The following EPHB1 variants were observed in gnomAD, a reference collection of about 807,000 sequenced individuals.
EPHB1 encodes EPH receptor B1.
Under a neutral mutation model 94.4 loss-of-function variants are expected in EPHB1, and 30 were observed. The ratio of observed to expected loss-of-function variants is 0.32; its 90% CI spans 0.24 to 0.43. The LOEUF is 0.43. Ranked by LOEUF, EPHB1 falls within the 20% of genes least tolerant of loss-of-function variation. The probability of loss-of-function intolerance (pLI) is 1.00; values close to 1 mark genes in which losing one functional copy is unlikely to be tolerated. For synonymous variants in EPHB1, 522 were observed against 489.1 expected, an observed-to-expected ratio of 1.07 and a Z score of -0.89; for missense variants, 1,055 against 1,308.3, an observed-to-expected ratio of 0.81 and a Z score of 2.99.
chr3:135,091,983 AT>A (rs576398339), intron 3 of EPHB1, among the ~76,000 whole-genome samples: 21 of 152,122 alleles, frequency 1.4e-4, no homozygotes, highest in Admixed American at 9.8e-4. Flanking sequence ...TTGGTTATAA[AT>A]TTTTTTTAAA....
intron 3 of EPHB1, among the ~76,000 whole-genome samples, chr3:135,063,794 T>A (rs1937546406): frequency 6.6e-6 from 1 of 152,174 alleles, no homozygotes; most frequent in Non-Finnish European, 1.5e-5. Flanking sequence ...GCTTTCAATT[T>A]TTCCCCATTC....
At chr3:134,958,573 G>C (rs1459747823) in intron 3 of EPHB1, among the ~76,000 whole-genome samples, 2 of 152,136 alleles carry the variant, frequency 1.3e-5, no homozygotes, top group Non-Finnish European at 2.9e-5. Context: ...TCAAGCTCCA[G>C]GGAGACCGGC....
At chr3:135,167,906 G>A (rs535252176) in intron 9 of EPHB1, among the ~76,000 whole-genome samples, 2 of 152,264 alleles carry the variant, frequency 1.3e-5, no homozygotes, top group East Asian at 3.9e-4. Context: ...AATTAGCATG[G>A]AAAACAGACC....
chr3:135,000,505 C>A (rs1401737805), intron 3 of EPHB1, among the ~76,000 whole-genome samples: 1 of 152,208 alleles, frequency 6.6e-6, no homozygotes, highest in Non-Finnish European at 1.5e-5. Flanking sequence ...ACAGGACCTG[C>A]AAATTGGCTT....
intron 2 of EPHB1, among the ~76,000 whole-genome samples, chr3:134,949,883 C>T (rs1175965794): frequency 6.6e-6 from 1 of 152,152 alleles, no homozygotes; most frequent in Non-Finnish European, 1.5e-5. Flanking sequence ...AATGACCCAG[C>T]AACTCTTCTT....
intron 4 of EPHB1, among the ~76,000 whole-genome samples, chr3:135,107,200 C>T (rs1342737608): frequency 6.6e-6 from 1 of 152,188 alleles, no homozygotes; most frequent in Admixed American, 6.5e-5. Flanking sequence ...AATGCATCTC[C>T]AAGGCAGAAA....
chr3:134,880,203 C>T (rs927065589), intron 1 of EPHB1, among the ~76,000 whole-genome samples: 3 of 152,230 alleles, frequency 2.0e-5, no homozygotes. Context: ...TGGTGCTATT[C>T]TCCAGCTGTT....
intron 1 of EPHB1, among the ~76,000 whole-genome samples, chr3:134,879,310 C>A (rs1015931312): frequency 3.3e-5 from 5 of 152,094 alleles, no homozygotes; most frequent in African/African-American, 1.2e-4. Flanking sequence ...CCAAGCCAAA[C>A]CCACTTGCCA....
At chr3:134,944,672 G>T (rs952388373) in intron 2 of EPHB1, among the ~76,000 whole-genome samples, 3 of 152,328 alleles carry the variant, frequency 2.0e-5, no homozygotes, top group African/African-American at 2.4e-5. Flanking sequence ...CCAAAGGCCA[G>T]TGGTCCACCT....
intron 3 of EPHB1, among the ~76,000 whole-genome samples, chr3:135,027,603 T>C (rs1936236813): frequency 6.6e-6 from 1 of 151,530 alleles, no homozygotes; most frequent in Non-Finnish European, 1.5e-5. Context: ...GATGTGCTGC[T>C]GGATTCGTTT....
intron 3 of EPHB1, among the ~76,000 whole-genome samples, chr3:135,031,732 G>C (rs2107760892): frequency 6.6e-6 from 1 of 152,294 alleles, no homozygotes; most frequent in East Asian, 1.9e-4. Context: ...CAAATGCTCA[G>C]ATAGTTCAGA....
chr3:135,244,643 T>A (rs1943877666), intron 13 of EPHB1, among the ~76,000 whole-genome samples: 1 of 152,208 alleles, frequency 6.6e-6, no homozygotes, highest in African/African-American at 2.4e-5. Flanking sequence ...TCCCCATACC[T>A]GCTAGTGAGG....
At chr3:134,943,927 G>A (rs2039169989) in intron 2 of EPHB1, among the ~76,000 whole-genome samples, 1 of 152,014 alleles carries the variant, frequency 6.6e-6, no homozygotes, top group African/African-American at 2.4e-5. Context: ...GATAACAGAG[G>A]GGTTTTATTT....
intron 3 of EPHB1, among the ~76,000 whole-genome samples, chr3:134,958,099 T>C (rs1933352455): frequency 6.6e-6 from 1 of 152,174 alleles, no homozygotes; most frequent in Non-Finnish European, 1.5e-5. Flanking sequence ...TGGGGACTTT[T>C]TTCTTTAGTA....
chr3:135,078,373 G>T (rs1444568788), intron 3 of EPHB1, among the ~76,000 whole-genome samples: 1 of 152,188 alleles, frequency 6.6e-6, no homozygotes, highest in Non-Finnish European at 1.5e-5. Context: ...ACCATGCTGG[G>T]CAGGGCACCC....
At chr3:135,001,694 T>G (rs1425521603) in intron 3 of EPHB1, among the ~76,000 whole-genome samples, 4 of 152,128 alleles carry the variant, frequency 2.6e-5, no homozygotes, top group African/African-American at 7.2e-5. Context: ...TTCCCTTTGC[T>G]GCTGCTGCTG....
rs1940467779 is a variant in EPHB1 at position 135,132,859 on chromosome 3, C to A, written c.1107C>A (p.Ser369Arg). Reference protein sequence around the residue: ...ICKKCRADRRSCSRCDDNVEF... With the variant: ...ICKKCRADRRRCSRCDDNVEF... ...AAAAGTGCCGGGCAGACCGCCGGAG[C>A]TGCTCCCGCTGTGACGACAATGTGG... Residue 369 changes from serine to arginine, a missense_variant, in exon 5 of 16, where the codon AGC becomes AGA. Coordinates refer to ENST00000398015, the MANE Select transcript of EPHB1 (RefSeq NM_004441.5). 5.6e-6 allele frequency: 9 copies of A among 1,614,070 alleles called. No homozygotes were observed. Among genetic ancestry groups the A allele is most frequent in the Non-Finnish European group, 7.6e-6 (9 of 1,179,910 alleles).
rs575909007 is a variant in EPHB1, at chr3:134,887,277, T to G, written c.59-38539T>G. Among the ~76,000 whole-genome samples, 340 of 152,316 alleles carry G rather than the reference T, an allele frequency of 2.2e-3. 2 individuals carry two copies. The highest frequency in any genetic ancestry group is 8.0e-3 in the African/African-American group (331 of 41,558). Reference sequence around the variant, plus strand: ...CTTCTAGTAGACTCCACTGGACTTCTTCATAGCATGATGAGCTCAGGGTCC... The same window carrying G: ...CTTCTAGTAGACTCCACTGGACTTCGTCATAGCATGATGAGCTCAGGGTCC... On this transcript the variant is annotated intron_variant, in intron 1 of 15. Transcript: ENST00000398015.
At chr3:135,084,727 G>A (rs955082560) in intron 3 of EPHB1, among the ~76,000 whole-genome samples, 4 of 152,212 alleles carry the variant, frequency 2.6e-5, no homozygotes, top group African/African-American at 9.6e-5. Flanking sequence ...CTTCTATTGT[G>A]AGATATTGTA....
Sources: allele counts gnomAD v4.1 joint callset (sites outside exome capture counted in the v4.1 genomes callset), GRCh38; gene constraint gnomAD v4.1.1; transcripts MANE v1.5; gene names NCBI Gene and HGNC (gene_info 2026-07-23, HGNC 2026-07-21).